TCF7L1: variants seen among roughly 807,000 people sequenced by gnomAD.
TCF7L1 encodes transcription factor 7 like 1, also known as transcription factor 7-like 1.
A neutral mutation model predicts 63.7 loss-of-function variants in TCF7L1; 18 were observed. The observed-to-expected ratio is 0.28, with a 90% CI of 0.20 to 0.42. The LOEUF (loss-of-function observed/expected upper bound fraction) is 0.42, where lower values mean the gene tolerates loss of function less well. Among genes scored for constraint, TCF7L1 ranks in the 10% least tolerant of loss-of-function variants. The pLI is 1.00. For missense variants in TCF7L1, 654 were observed against 779.3 expected (o/e 0.84, Z 1.91); for synonymous variants, 355 against 340.9 (o/e 1.04, Z -0.46).
At chr2:85,229,555 G>A (rs1238317161) in intron 3 of TCF7L1, among the ~76,000 whole-genome samples, 1 of 152,198 alleles carries the variant, frequency 6.6e-6, no homozygotes, top group African/African-American at 2.4e-5. Context: ...GAGAAGGGGG[G>A]AGCACATTCA....
chr2:85,256,504 C>G (rs909218503), intron 3 of TCF7L1, among the ~76,000 whole-genome samples: 5 of 152,218 alleles, frequency 3.3e-5, no homozygotes, highest in Admixed American at 6.5e-5. Flanking sequence ...TAGGGGGAAG[C>G]CCCTGCTTCC....
chr2:85,231,696 G>GTTA (rs1245516689), intron 3 of TCF7L1, among the ~76,000 whole-genome samples: 3 of 152,140 alleles, frequency 2.0e-5, no homozygotes, highest in Non-Finnish European at 2.9e-5. Flanking sequence ...TCCCCCAAAA[G>GTTA]TTATTGTCCA....
chr2:85,236,478 G>T (rs751911774), intron 3 of TCF7L1, among the ~76,000 whole-genome samples: 19 of 152,124 alleles, frequency 1.2e-4, no homozygotes, highest in Non-Finnish European at 2.6e-4. Flanking sequence ...GAGGCCTCTG[G>T]ATGCAATTGT....
intron 3 of TCF7L1, chr2:85,186,931 A>T (rs1396803496): frequency 2.0e-5 from 3 of 151,956 alleles, no homozygotes; most frequent in Non-Finnish European, 4.4e-5. Context: ...ATGTATATAC[A>T]CTCCTTTTCT....
chr2:85,294,315 C>T (rs1023544677), intron 4 of TCF7L1, among the ~76,000 whole-genome samples: 7 of 152,020 alleles, frequency 4.6e-5, no homozygotes, highest in Non-Finnish European at 5.9e-5. Flanking sequence ...GGATTACAGG[C>T]GTGAGCCACC....
At chr2:85,256,959 GGTGACAGA>G (rs1184821644) in intron 3 of TCF7L1, among the ~76,000 whole-genome samples, 5 of 151,096 alleles carry the variant, frequency 3.3e-5, no homozygotes, top group Non-Finnish European at 5.9e-5. Context: ...CTCCAGCCTG[GGTGACAGA>G]GTGAGACTCT....
intron 3 of TCF7L1, among the ~76,000 whole-genome samples, chr2:85,146,531 C>T (rs1241907778): frequency 4.0e-5 from 4 of 100,768 alleles, no homozygotes; most frequent in East Asian, 2.9e-4. Context: ...GATGGAGTTT[C>T]GCTCTTGTTG....
intron 3 of TCF7L1, among the ~76,000 whole-genome samples, chr2:85,149,709 G>A (rs946443563): frequency 5.9e-5 from 9 of 152,058 alleles, no homozygotes; most frequent in African/African-American, 1.9e-4. Flanking sequence ...GTTTTTAGTA[G>A]AGACAGGGTT....
chr2:85,303,069 C>T (rs1259524422), intron 5 of TCF7L1, among the ~76,000 whole-genome samples: 2 of 152,206 alleles, frequency 1.3e-5, no homozygotes, highest in African/African-American at 2.4e-5. Context: ...CTTGCTGTGT[C>T]GCCCAAGCTG....
At chr2:85,291,378 TACCTTTCAC>T (rs1171793397) in intron 4 of TCF7L1, among the ~76,000 whole-genome samples, 3 of 152,248 alleles carry the variant, frequency 2.0e-5, no homozygotes, top group Admixed American at 6.5e-5. Context: ...TCACAAGTTC[TACCTTTCAC>T]AAAACACTAC....
rs1455711668 is a variant in TCF7L1 at position 85,302,611 on chromosome 2, A to G, written c.653A>G (p.Lys218Arg). The G allele has an allele frequency of 1.2e-6, 2 of 1,613,818 alleles. No homozygotes were observed. The highest frequency in any genetic ancestry group is 4.5e-5 in the East Asian group (2 of 44,870). The change falls in exon 5 of 12, where the codon AAG becomes AGG. Residue 218 changes from lysine (K) to arginine (R), a missense_variant. Coordinates refer to ENST00000282111, the MANE Select transcript of TCF7L1 (RefSeq NM_031283.3). ...PTHLSPEIDP[K>R]TGIPRPPHPS... ...CACCTCTCCCCAGAGATCGATCCAA[A>G]GACAGGTAAGTCGTCTGCCACTCAG...
At chr2:85,162,508 T>G (rs1678314093) in intron 3 of TCF7L1, among the ~76,000 whole-genome samples, 1 of 152,142 alleles carries the variant, frequency 6.6e-6, no homozygotes, top group South Asian at 2.1e-4. Flanking sequence ...GTTCCCAAAT[T>G]TTCTTGGTCT....
chr2:85,261,141 T>G (rs1244656522), intron 3 of TCF7L1, among the ~76,000 whole-genome samples: 22 of 150,014 alleles, frequency 1.5e-4, no homozygotes, highest in Admixed American at 1.4e-3. Flanking sequence ...TGTGTGTGTG[T>G]GTGTGTGTGT....
intron 3 of TCF7L1, among the ~76,000 whole-genome samples, chr2:85,138,168 C>T (rs1677639691): frequency 6.6e-6 from 1 of 152,142 alleles, no homozygotes; most frequent in Admixed American, 6.6e-5. Context: ...AGCACAAGCA[C>T]ACGAAAGGCT....
intron 3 of TCF7L1, among the ~76,000 whole-genome samples, chr2:85,139,761 C>T (rs1006026483): frequency 2.6e-5 from 4 of 151,942 alleles, no homozygotes; most frequent in Non-Finnish European, 4.4e-5. Flanking sequence ...AAGTTCAGGG[C>T]GATTTGGGGG....
chr2:85,182,097 A>C (rs1201558219), intron 3 of TCF7L1, among the ~76,000 whole-genome samples: 1 of 152,140 alleles, frequency 6.6e-6, no homozygotes, highest in Non-Finnish European at 1.5e-5. Context: ...GGGCGCCTGA[A>C]GGAATTAAGT....
At chr2:85,288,485 G>A (rs766645240) in intron 4 of TCF7L1, among the ~76,000 whole-genome samples, 4 of 152,110 alleles carry the variant, frequency 2.6e-5, no homozygotes, top group African/African-American at 7.2e-5. Flanking sequence ...TTTGGACACC[G>A]GCTTTTTTGT....
intron 3 of TCF7L1, among the ~76,000 whole-genome samples, chr2:85,271,182 A>G (rs911437718): frequency 1.3e-5 from 2 of 152,046 alleles, no homozygotes; most frequent in Admixed American, 1.3e-4. Flanking sequence ...GTGCGATCTC[A>G]GCTCACTGCA....
chr2:85,146,509 T>G (rs565619819), intron 3 of TCF7L1, among the ~76,000 whole-genome samples: 3 of 146,806 alleles, frequency 2.0e-5, no homozygotes, highest in Middle Eastern at 3.5e-3. Context: ...TTTTTTTTTT[T>G]TTTTTTTTTG....
Sources: allele counts gnomAD v4.1 joint callset (sites outside exome capture counted in the v4.1 genomes callset), GRCh38; gene constraint gnomAD v4.1.1; transcripts MANE v1.5; gene names NCBI Gene and HGNC (gene_info 2026-07-23, HGNC 2026-07-21).